The following AK9 variants were observed in gnomAD, a reference collection of about 807,000 sequenced individuals.
The protein encoded by AK9 is adenylate kinase domain containing 1.
A neutral mutation model predicts 239.6 loss-of-function variants in AK9; 191 were observed. That is an observed-to-expected ratio of 0.80 (90% confidence interval 0.71 to 0.90). AK9 has a LOEUF of 0.90. AK9 is among the 40% of genes least tolerant of loss of function. The pLI is 0.00. For missense variants in AK9, 1,995 were observed against 2,214.7 expected, an observed-to-expected ratio of 0.90 and a Z score of 1.99; for synonymous variants, 689 against 721.0, an observed-to-expected ratio of 0.96 and a Z score of 0.71.
At chr6:109,506,897 C>G in intron 33 of AK9, 97 bp from the exon 34 acceptor site, 1 of 1,407,848 alleles carries the variant, frequency 7.1e-7, no homozygotes, top group Admixed American at 3.1e-5. Context: ...TTAGGAGTAG[C>G]TCATGATTTT....
chr6:109,633,033 A>G lies in AK9; in HGVS notation c.1144T>C (p.Tyr382His), dbSNP rs140977713. ...LKPFLLNPRP[Y>H]LLPPMPGPPC... ...GGTCCTGGCATAGGTGGAAGCAGAT[A>G]GGGACGTGGGTTCAACAAAAATGGT... Residue 382 changes from tyrosine (Y) to histidine (H), a missense_variant, in exon 12 of 41, where the codon TAT becomes CAT. Physicochemically the swap from Tyr to His is moderately conservative, Grantham distance 83. Transcript: ENST00000424296. 348 of 1,592,980 alleles carry G rather than the reference A, an allele frequency of 2.2e-4. No homozygotes were observed. Among genetic ancestry groups the G allele is most frequent in the African/African-American group, 4.7e-4 (35 of 73,990 alleles).
At chr6:109,599,961 C>G (rs1473476739) in intron 17 of AK9, among the ~76,000 whole-genome samples, 1 of 152,174 alleles carries the variant, frequency 6.6e-6, no homozygotes, top group Non-Finnish European at 1.5e-5. Context: ...TGTTTATCAG[C>G]TTAAGGAGAT....
intron 16 of AK9, 89 bp from the exon 17 acceptor site, chr6:109,610,602 C>T (rs1279619557): frequency 4.5e-6 from 6 of 1,320,662 alleles, no homozygotes; most frequent in Non-Finnish European, 6.2e-6. Flanking sequence ...TAATATCTGA[C>T]CCAAGAAAGT....
intron 16 of AK9, 64 bp downstream of exon 16, chr6:109,611,946 G>T: frequency 9.3e-7 from 1 of 1,070,376 alleles, no homozygotes. Flanking sequence ...AAATTCTGAG[G>T]GAACTACTTG....
intron 5 of AK9, among the ~76,000 whole-genome samples, chr6:109,669,266 T>C (rs1801720182): frequency 6.6e-6 from 1 of 152,188 alleles, no homozygotes; most frequent in East Asian, 1.9e-4. Flanking sequence ...TGAAGTTGCT[T>C]ATCAGCTTGA....
chr6:109,654,899 A>G (rs1799473258), intron 8 of AK9, among the ~76,000 whole-genome samples: 1 of 152,192 alleles, frequency 6.6e-6, no homozygotes, highest in African/African-American at 2.4e-5. Flanking sequence ...GTCTTGGTCT[A>G]AAAGTGAAGT....
intron 17 of AK9, among the ~76,000 whole-genome samples, chr6:109,602,798 T>C (rs1319118803): frequency 6.6e-6 from 1 of 152,186 alleles, no homozygotes; most frequent in Non-Finnish European, 1.5e-5. Flanking sequence ...TCTAAACTTC[T>C]CTTCTCACTT....
intron 9 of AK9, among the ~76,000 whole-genome samples, chr6:109,642,632 T>C (rs1797595274): frequency 6.6e-6 from 1 of 152,034 alleles, no homozygotes; most frequent in South Asian, 2.1e-4. Context: ...TAAAAAGTGG[T>C]AGAATTCTGG....
In AK9 at chr6:109,573,464, G is replaced by A. The variant is rs1246399631; in HGVS notation, c.2322C>T (p.Val774=). 1.9e-6 allele frequency: 3 copies of A among 1,549,146 alleles called. No individual in the cohort carries two copies. Among genetic ancestry groups the A allele is most frequent in the East Asian group, 4.9e-5 (2 of 40,892 alleles). ...WLPEEFEASE[V]PETEPEAVSE... ...AACCTGCTTCAGGCTCAGTTTCAGG[G>A]ACCTCAGATGCTTCAAACTCCTCAG... Residue 774 remains valine, a synonymous_variant, in exon 21 of 41, where the codon GTC becomes GTT. Transcript: ENST00000424296.
intron 29 of AK9, among the ~76,000 whole-genome samples, chr6:109,517,330 GA>G (rs1779381795): frequency 6.6e-6 from 1 of 152,082 alleles, no homozygotes; most frequent in African/African-American, 2.4e-5. Flanking sequence ...TTGGTACTCA[GA>G]ATTTTAATAC....
Position 109,586,049 on chromosome 6 carries a change from C to A in AK9, c.1866G>T (p.Arg622Ser). ...LGEVMEENKD[R>S]FPGAPKYGGW... ...CTCCATATTTTGGGGCACCAGGAAA[C>A]CTATCCTTGTTTTCTTCCATTACCT... The change falls in exon 18 of 41, where the codon AGG becomes AGT. Residue 622 changes from arginine (R) to serine (S), a missense_variant. Arg to Ser is a moderately radical substitution (Grantham distance 110, BLOSUM62 -1). Coordinates refer to ENST00000424296, the MANE Select transcript of AK9 (RefSeq NM_001145128.3). The A allele has an allele frequency of 6.4e-7, 1 of 1,550,920 alleles. No individual in the cohort carries two copies. Among genetic ancestry groups the A allele is most frequent in the Non-Finnish European group, 8.7e-7 (1 of 1,146,782 alleles).
chr6:109,645,087 C>T (rs1358060727), intron 8 of AK9, among the ~76,000 whole-genome samples: 5 of 152,124 alleles, frequency 3.3e-5, no homozygotes, highest in Non-Finnish European at 1.5e-5. Flanking sequence ...GTATTTTGAT[C>T]GTTCCAAGAT....
intron 28 of AK9, 102 bp from the exon 29 acceptor site, chr6:109,529,175 A>G: frequency 7.6e-7 from 1 of 1,315,938 alleles, no homozygotes; most frequent in Non-Finnish European, 1.0e-6. Context: ...ACGTTTGGGC[A>G]GAAGCACAGT....
chr6:109,537,929 T>A (rs1582899200), intron 27 of AK9, among the ~76,000 whole-genome samples: 1 of 152,350 alleles, frequency 6.6e-6, no homozygotes, highest in African/African-American at 2.4e-5. Flanking sequence ...GTGAGTTTCT[T>A]ATTCCTGAGT....
chr6:109,579,509 A>G, intron 20 of AK9, 41 bp downstream of exon 20: 1 of 1,515,928 alleles, frequency 6.6e-7, no homozygotes, highest in Non-Finnish European at 8.9e-7. Flanking sequence ...TTGCAGTAAC[A>G]ATACCATGAC....
intron 24 of AK9, among the ~76,000 whole-genome samples, chr6:109,554,528 T>C (rs1784739640): frequency 3.2e-5 from 1 of 31,010 alleles, no homozygotes; most frequent in Non-Finnish European, 8.1e-5. Context: ...TTCTTTTCTT[T>C]TTTTTTTTTT....
intron 27 of AK9, among the ~76,000 whole-genome samples, chr6:109,541,252 A>T (rs1782841992): frequency 6.6e-6 from 1 of 152,242 alleles, no homozygotes; most frequent in African/African-American, 2.4e-5. Context: ...CTTAATAAAA[A>T]GGCAAAAATT....
intron 35 of AK9, among the ~76,000 whole-genome samples, chr6:109,505,629 G>A (rs1351498050): frequency 6.6e-6 from 1 of 152,070 alleles, no homozygotes; most frequent in Non-Finnish European, 1.5e-5. Context: ...CTGCAATCAT[G>A]GACCCGTATA....
At chr6:109,534,692 G>C (rs1781742460) in intron 27 of AK9, among the ~76,000 whole-genome samples, 1 of 151,924 alleles carries the variant, frequency 6.6e-6, no homozygotes, top group South Asian at 2.1e-4. Context: ...ATGTCATGTT[G>C]GTGTGCTGCA....
Sources: gnomAD v4.1 joint callset for allele counts (sites outside exome capture counted in the v4.1 genomes callset) on GRCh38, gnomAD v4.1.1 for gene constraint, MANE v1.5 for transcripts, NCBI Gene and HGNC (gene_info 2026-07-23, HGNC 2026-07-21) for gene names.